The following SLC30A6 variants were observed in gnomAD, a reference collection of about 807,000 sequenced individuals.
SLC30A6 encodes the protein zinc transporter 6.
A neutral mutation model predicts 63.0 loss-of-function variants in SLC30A6; 55 were observed. That is an observed-to-expected ratio of 0.87 (90% CI 0.70 to 1.09). SLC30A6 has a LOEUF of 1.09. Among genes scored for constraint, SLC30A6 ranks in the 50% least tolerant of loss-of-function variants. SLC30A6 has a pLI of 0.00. For synonymous variants in SLC30A6, 224 were observed against 186.1 expected, an observed-to-expected ratio of 1.20 and a Z score of -1.66; for missense variants, 587 against 549.2, an observed-to-expected ratio of 1.07 and a Z score of -0.69.
chr2:32,181,588 C>T lies in SLC30A6; in HGVS notation c.219-2685C>T, dbSNP rs552941259. On this transcript the variant is annotated intron_variant, in intron 4 of 13. Coordinates refer to ENST00000282587, the MANE Select transcript of SLC30A6 (RefSeq NM_017964.5). Reference sequence around the variant, plus strand: ...TACAATTAATAATTGAAGCTTTGGCCGGGCGAGGTGGCTCACGCCTGTAAT... The same window carrying T: ...TACAATTAATAATTGAAGCTTTGGCTGGGCGAGGTGGCTCACGCCTGTAAT... Among the ~76,000 whole-genome samples, 67 of 152,066 alleles carry T rather than the reference C, an allele frequency of 4.4e-4. No individual in the cohort carries two copies. In the East Asian group the frequency reaches 8.7e-3, roughly 20 times the overall value.
intron 12 of SLC30A6, 112 bp downstream of exon 12, chr2:32,207,045 A>G (rs1472951595): frequency 1.2e-6 from 1 of 855,846 alleles, no homozygotes; most frequent in Non-Finnish European, 1.9e-6. Context: ...AGGGAAGTTC[A>G]TGTTCTTCAC....
chr2:32,193,116 C>T (rs890722823), intron 7 of SLC30A6, among the ~76,000 whole-genome samples, 163 bp downstream of exon 7: 2 of 152,144 alleles, frequency 1.3e-5, no homozygotes, highest in Admixed American at 1.3e-4. Flanking sequence ...CGTTTCTTTA[C>T]TCTTAACAGT....
chr2:32,222,367 G>A lies in SLC30A6; in HGVS notation c.*1654G>A, dbSNP rs1254559393. Reference sequence around the variant, plus strand: ...CTCCTGGAGATTTATGACTTTCCCAGCCATCAGCCAGCTATCTAGAGAAGA... The same window carrying A: ...CTCCTGGAGATTTATGACTTTCCCAACCATCAGCCAGCTATCTAGAGAAGA... On this transcript the variant is annotated 3_prime_UTR_variant, in exon 14 of 14. Transcript: ENST00000282587. 6.6e-6 allele frequency: 1 copy of A among 152,124 alleles called. No homozygotes were observed. Among genetic ancestry groups the A allele is most frequent in the Non-Finnish European group, 1.5e-5 (1 of 68,006 alleles). 9.4% of individuals were successfully genotyped at this position (152,124 alleles called of 1,614,324 possible).
intron 8 of SLC30A6, among the ~76,000 whole-genome samples, chr2:32,196,296 C>G (rs971345319): frequency 1.3e-5 from 2 of 150,788 alleles, no homozygotes; most frequent in African/African-American, 2.4e-5. Context: ...GCCTGGGTGA[C>G]AAAAGTGAAA....
rs755500219 is a variant in SLC30A6 at position 32,209,489 on chromosome 2, G to A, written c.817-4G>A. 1.2e-6 allele frequency: 2 copies of A among 1,603,762 alleles called. No homozygotes were observed. The highest frequency in any genetic ancestry group is 1.7e-6 in the Non-Finnish European group (2 of 1,177,246). On this transcript the variant is annotated splice_region_variant and splice_polypyrimidine_tract_variant and intron_variant, in intron 12 of 13. Transcript: ENST00000282587. ...CTCTGATCACCTCTTTCTGTTTTTG[G>A]TAGGTATCTACCTTAGATGGAGTTT...
chr2:32,171,067 T>A (rs1325727482), intron 1 of SLC30A6, among the ~76,000 whole-genome samples: 1 of 152,248 alleles, frequency 6.6e-6, no homozygotes. Flanking sequence ...ACTAGCTCTG[T>A]GACTTTGGAT....
intron 5 of SLC30A6, among the ~76,000 whole-genome samples, chr2:32,191,957 C>A (rs1029174617): frequency 6.6e-6 from 1 of 151,638 alleles, no homozygotes; most frequent in Admixed American, 6.6e-5. Context: ...GTCTAACGCA[C>A]AGTGGGTCAA....
chr2:32,183,531 T>C (rs1244670732), intron 4 of SLC30A6, among the ~76,000 whole-genome samples: 3 of 150,994 alleles, frequency 2.0e-5, no homozygotes, highest in South Asian at 2.1e-4. Flanking sequence ...AAAAAAAATA[T>C]ATAAAAATTA....
intron 13 of SLC30A6, among the ~76,000 whole-genome samples, chr2:32,212,032 C>T (rs1171142676): frequency 6.6e-6 from 1 of 152,138 alleles, no homozygotes; most frequent in African/African-American, 2.4e-5. Context: ...GTGGAAACTT[C>T]TGTTATGTGC....
At chr2:32,181,605 G>A (rs549128727) in intron 4 of SLC30A6, among the ~76,000 whole-genome samples, 59 of 152,132 alleles carry the variant, frequency 3.9e-4, no homozygotes, top group African/African-American at 9.9e-4. Flanking sequence ...GGTGGCTCAC[G>A]CCTGTAATCC....
At chr2:32,196,155 A>C (rs1683767476) in intron 8 of SLC30A6, among the ~76,000 whole-genome samples, 1 of 152,200 alleles carries the variant, frequency 6.6e-6, no homozygotes, top group Non-Finnish European at 1.5e-5. Flanking sequence ...TCTACTAAAA[A>C]ATTATAAAAA....
intron 13 of SLC30A6, chr2:32,214,484 A>G (rs1330785356): frequency 1.3e-5 from 2 of 152,100 alleles, no homozygotes; most frequent in African/African-American, 4.8e-5. Flanking sequence ...ATGAATTTGC[A>G]TGTCATCTTT....
At chr2:32,186,108 C>T (rs1682788308) in intron 5 of SLC30A6, among the ~76,000 whole-genome samples, 2 of 151,996 alleles carry the variant, frequency 1.3e-5, no homozygotes, top group African/African-American at 2.4e-5. Context: ...GATCTTGGCT[C>T]ATTGCAACCT....
Position 32,221,566 on chromosome 2 carries a change from A to T in SLC30A6, c.*853A>T, listed in dbSNP as rs542976025. On this transcript the variant is annotated 3_prime_UTR_variant, in exon 14 of 14. Coordinates refer to ENST00000282587, the MANE Select transcript of SLC30A6 (RefSeq NM_017964.5). The stretch of plus-strand genomic sequence containing the variant: ...AAAAGTCTCTTTTATAGCTTTTCCA[A>T]ACTTAATTGCTAAATTTTTCTTTGA... The T allele has an allele frequency of 5.3e-5, 8 of 152,218 alleles. No homozygotes were observed. Among genetic ancestry groups the T allele is most frequent in the Non-Finnish European group, 1.2e-4 (8 of 68,034 alleles). 9.4% of individuals were successfully genotyped at this position (152,218 alleles called of 1,614,324 possible).
chr2:32,199,341 C>T (rs775113960), intron 10 of SLC30A6, among the ~76,000 whole-genome samples: 5 of 152,084 alleles, frequency 3.3e-5, no homozygotes, highest in East Asian at 3.9e-4. Context: ...CCTTTCAGTT[C>T]GTGTGGGTAT....
chr2:32,201,287 CTG>C (rs1280332305), intron 10 of SLC30A6, among the ~76,000 whole-genome samples: 1 of 152,094 alleles, frequency 6.6e-6, no homozygotes, highest in Non-Finnish European at 1.5e-5. Context: ...GCATTTTGGT[CTG>C]TATTGTTGGT....
chr2:32,202,866 C>A, intron 10 of SLC30A6: 2 of 919,384 alleles, frequency 2.2e-6, no homozygotes, highest in Non-Finnish European at 3.6e-6. Flanking sequence ...AAAAATGACT[C>A]AAAAGGCTGC....
chr2:32,205,661 TC>T (rs1371096648), intron 11 of SLC30A6, among the ~76,000 whole-genome samples: 10,606 of 110,720 alleles, frequency 0.096, 571 homozygotes, highest in Middle Eastern at 0.14. Flanking sequence ...GAATGTTACT[TC>T]TTTTTTTTTT....
intron 5 of SLC30A6, among the ~76,000 whole-genome samples, chr2:32,188,804 T>TA (rs1683066455): frequency 6.6e-6 from 1 of 152,250 alleles, no homozygotes; most frequent in African/African-American, 2.4e-5. Context: ...TGGATCATGA[T>TA]ATAGAACATT....
Sources: gnomAD v4.1 joint callset for allele counts (sites outside exome capture counted in the v4.1 genomes callset) on GRCh38, gnomAD v4.1.1 for gene constraint, MANE v1.5 for transcripts, NCBI Gene and HGNC (gene_info 2026-07-23, HGNC 2026-07-21) for gene names.